The following POT1 variants were observed in gnomAD, a reference collection of about 807,000 sequenced individuals.
POT1 encodes the protein protection of telomeres protein 1.
Under a neutral mutation model 78.5 loss-of-function variants are expected in POT1, and 47 were observed. The ratio of observed to expected loss-of-function variants is 0.60; its 90% confidence interval spans 0.47 to 0.76. POT1 has a LOEUF of 0.76. POT1 is among the 30% of genes least tolerant of loss of function. POT1 has a pLI of 0.00. For synonymous variants in POT1, 259 were observed against 260.7 expected, an observed-to-expected ratio of 0.99 and a Z score of 0.06; for missense variants, 646 against 749.9, an observed-to-expected ratio of 0.86 and a Z score of 1.62.
intron 9 of POT1, among the ~76,000 whole-genome samples, chr7:124,858,485 C>G (rs1203749084): frequency 6.6e-6 from 1 of 151,758 alleles, no homozygotes; most frequent in Non-Finnish European, 1.5e-5. Flanking sequence ...TACACACACC[C>G]AATTTATAAT....
chr7:124,884,735 T>C (rs1042812645), intron 6 of POT1, among the ~76,000 whole-genome samples: 3 of 152,194 alleles, frequency 2.0e-5, no homozygotes, highest in Non-Finnish European at 4.4e-5. Flanking sequence ...CAAGGTTCCC[T>C]CTATTTTTCC....
chr7:124,835,477 A>AT, intron 14 of POT1, 63 bp from the exon 15 acceptor site: 1 of 1,526,726 alleles, frequency 6.5e-7, no homozygotes. Context: ...GTACAGTCCT[A>AT]TTAAATAACG....
At chr7:124,826,377 A>G (rs1794630078) in intron 17 of POT1, among the ~76,000 whole-genome samples, 1 of 152,194 alleles carries the variant, frequency 6.6e-6, no homozygotes, top group Non-Finnish European at 1.5e-5. Flanking sequence ...AATAATCTGT[A>G]ACTGTCAGTA....
At chr7:124,843,024 C>A (rs2116468677) in intron 12 of POT1, 61 bp from the exon 13 acceptor site, 1 of 1,160,848 alleles carries the variant, frequency 8.6e-7, no homozygotes, top group South Asian at 1.7e-5. Flanking sequence ...CATGCATCCT[C>A]CTGAACCAAA....
At chr7:124,887,914 T>A (rs1796284115) in intron 6 of POT1, among the ~76,000 whole-genome samples, 1 of 152,146 alleles carries the variant, frequency 6.6e-6, no homozygotes, top group African/African-American at 2.4e-5. Flanking sequence ...TTCGTTTACA[T>A]GTTTGTTAAA....
At chr7:124,920,665 TC>T (rs200310934) in intron 2 of POT1, among the ~76,000 whole-genome samples, 5 of 95,882 alleles carry the variant, frequency 5.2e-5, no homozygotes, top group South Asian at 3.5e-4. Flanking sequence ...AATACTTCAA[TC>T]TTTTTTTTTA....
chr7:124,902,830 G>T (rs911778567), intron 3 of POT1, among the ~76,000 whole-genome samples: 1 of 152,026 alleles, frequency 6.6e-6, no homozygotes, highest in Admixed American at 6.6e-5. Flanking sequence ...GATGGAGGAA[G>T]ATCTACCAAG....
intron 2 of POT1, among the ~76,000 whole-genome samples, chr7:124,921,683 C>CA (rs947638605): frequency 6.6e-6 from 1 of 151,724 alleles, no homozygotes; most frequent in Non-Finnish European, 1.5e-5. Flanking sequence ...TCAGTGAACT[C>CA]AAAGAGAGAG....
At chr7:124,838,726 C>A (rs558298202) in intron 14 of POT1, among the ~76,000 whole-genome samples, 1 of 152,242 alleles carries the variant, frequency 6.6e-6, no homozygotes, top group African/African-American at 2.4e-5. Flanking sequence ...CTGCCTCAGC[C>A]TCCCGAGTAG....
chr7:124,826,989 T>C (rs543192406), intron 17 of POT1, among the ~76,000 whole-genome samples: 2 of 152,358 alleles, frequency 1.3e-5, no homozygotes, highest in Admixed American at 6.5e-5. Context: ...AATGACTCTT[T>C]AAATCCCTGT....
intron 9 of POT1, among the ~76,000 whole-genome samples, chr7:124,854,621 T>C (rs1337982290): frequency 3.3e-5 from 5 of 151,974 alleles, no homozygotes; most frequent in African/African-American, 1.2e-4. Flanking sequence ...TCCCAACCAA[T>C]CAAGGGTTTT....
intron 18 of POT1, among the ~76,000 whole-genome samples, 176 bp from the exon 19 acceptor site, chr7:124,824,250 T>C (rs1025281568): frequency 1.3e-5 from 2 of 151,898 alleles, no homozygotes; most frequent in Non-Finnish European, 2.9e-5. Flanking sequence ...ACATACTAGA[T>C]TCATGTTATT....
intron 9 of POT1, among the ~76,000 whole-genome samples, chr7:124,856,219 A>C (rs969956363): frequency 2.6e-5 from 4 of 152,222 alleles, no homozygotes; most frequent in African/African-American, 9.6e-5. Flanking sequence ...GTTGTCTTGA[A>C]AGTACCAAGA....
intron 16 of POT1, chr7:124,828,817 GAAAGA>G (rs1794691994): frequency 8.3e-6 from 4 of 480,050 alleles, no homozygotes; most frequent in Non-Finnish European, 1.3e-5. Context: ...TATCAAAAAG[GAAAGA>G]AAACAAAACC....
chr7:124,844,732 CAAAAAAAAAAAAA>C (rs33956452), intron 12 of POT1, among the ~76,000 whole-genome samples: 1 of 62,882 alleles, frequency 1.6e-5, no homozygotes, highest in African/African-American at 6.4e-5. Context: ...GACTCCGCCT[CAAAAAAAAAAAAA>C]AAAAAAAAAA....
rs201285982 is a variant in POT1, at chr7:124,877,840, C to CAAAAAAAAAAAAAAAAAAA, written c.125-6818_125-6800dup. Among the ~76,000 whole-genome samples the CAAAAAAAAAAAAAAAAAAA allele has an allele frequency of 6.8e-4, 55 of 80,556 alleles. 6 individuals carry two copies. The highest frequency in any genetic ancestry group is 9.2e-4 in the Non-Finnish European group (34 of 36,918). The allele number at this position is 80,556 out of a possible 152,430, so 52.8% of individuals were successfully genotyped here. On this transcript the variant is annotated intron_variant, in intron 6 of 18. Transcript: ENST00000357628. ...TGGGCGACAGAGAGAGATTCTGTCT[C>CAAAAAAAAAAAAAAAAAAA]AAAAAAAAAAAAAAAAAAAAAAAAA...
rs1795583105 is a variant in POT1 at position 124,861,038 on chromosome 7, G to C, written c.547-1926C>G. Reference sequence around the variant, plus strand: ...GCATTTGGGTTGGTTCCCAGTCTTTGCTAATGTGAATAGTGCCACAATAAA... The same window carrying C: ...GCATTTGGGTTGGTTCCCAGTCTTTCCTAATGTGAATAGTGCCACAATAAA... On this transcript the variant is annotated intron_variant, in intron 8 of 18. Coordinates refer to ENST00000357628, the MANE Select transcript of POT1 (RefSeq NM_015450.3). Among the ~76,000 whole-genome samples the C allele has an allele frequency of 2.0e-5, 3 of 152,144 alleles. No homozygotes were observed. The South Asian group carries it at 6.2e-4, about 31-fold the overall frequency.
At position 124,835,283 on chromosome 7, in the gene POT1, A is replaced by G. The variant is rs776299237; in HGVS notation, c.1501T>C (p.Tyr501His). ...AAACAAAACAAAACAAAATACCCAT[A>G]GTGATGTATTGTTCCTTGTATAAGA... ...PFLIQGTIHH[Y>H]GCKQCSSLRS... The change falls in exon 15 of 19, where the codon TAT becomes CAT. Residue 501 changes from tyrosine to histidine, a missense_variant. By Grantham distance (83) the Tyr-to-His change is moderately conservative (BLOSUM62 2). Coordinates refer to ENST00000357628, the MANE Select transcript of POT1 (RefSeq NM_015450.3). The G allele has an allele frequency of 6.2e-7, 1 of 1,605,786 alleles. No homozygotes were observed. Among genetic ancestry groups the G allele is most frequent in the Non-Finnish European group, 8.5e-7 (1 of 1,174,470 alleles).
chr7:124,866,565 C>A (rs1038194581), intron 7 of POT1, among the ~76,000 whole-genome samples: 1 of 152,210 alleles, frequency 6.6e-6, no homozygotes, highest in African/African-American at 2.4e-5. Context: ...ACATCCCCTT[C>A]TGTATAACTC....
Sources: gnomAD v4.1 joint callset for allele counts (sites outside exome capture counted in the v4.1 genomes callset) on GRCh38, gnomAD v4.1.1 for gene constraint, MANE v1.5 for transcripts, NCBI Gene and HGNC (gene_info 2026-07-23, HGNC 2026-07-21) for gene names.